The following ANKS1B variants were observed in gnomAD, a reference collection of about 807,000 sequenced individuals.
The protein encoded by ANKS1B is ankyrin repeat and sterile alpha motif domain containing 1B.
Under a neutral mutation model 148.3 loss-of-function variants are expected in ANKS1B, and 36 were observed. The ratio of observed to expected loss-of-function variants is 0.24; its 90% CI spans 0.19 to 0.32. The LOEUF is 0.32. Among genes scored for constraint, ANKS1B ranks in the 10% least tolerant of loss-of-function variants. ANKS1B has a pLI of 1.00. For synonymous variants in ANKS1B, 542 were observed against 560.8 expected (o/e 0.97, Z 0.47); for missense variants, 1,157 against 1,542.6 (o/e 0.75, Z 4.19).
intron 12 of ANKS1B, among the ~76,000 whole-genome samples, chr12:99,392,394 C>T (rs551319110): frequency 2.6e-5 from 4 of 152,366 alleles, no homozygotes; most frequent in South Asian, 4.1e-4. Context: ...GCGTCCTATG[C>T]TGCTAAGCAC....
At chr12:99,604,181 G>A (rs1247406079) in intron 9 of ANKS1B, among the ~76,000 whole-genome samples, 2 of 152,064 alleles carry the variant, frequency 1.3e-5, no homozygotes, top group Admixed American at 1.3e-4. Flanking sequence ...GGTGATTTCT[G>A]TGGCATACAA....
chr12:98,926,405 C>T (rs927305452), intron 17 of ANKS1B, among the ~76,000 whole-genome samples: 1 of 152,058 alleles, frequency 6.6e-6, no homozygotes, highest in Non-Finnish European at 1.5e-5. Context: ...AACAACAGAC[C>T]TTAGAGAGGA....
Position 98,757,548 on chromosome 12 carries a change from C to A in ANKS1B, c.3580-6026G>T, listed in dbSNP as rs1281368155. Reference sequence around the variant, plus strand: ...CTTAGCCAGGAGGCCAATCCTGGAGCCACCCGGTCCCCTGGCTGCCCTGGC... The same window carrying A: ...CTTAGCCAGGAGGCCAATCCTGGAGACACCCGGTCCCCTGGCTGCCCTGGC... On this transcript the variant is annotated intron_variant, in intron 25 of 26. Coordinates refer to ENST00000683438, the MANE Select transcript of ANKS1B (RefSeq NM_001352186.2). 4.6e-5 allele frequency among the ~76,000 whole-genome samples: 7 copies of A among 152,092 alleles called. No individual in the cohort carries two copies. The South Asian group carries it at 6.2e-4, about 14-fold the overall frequency.
chr12:99,962,672 T>C (rs552189357), intron 1 of ANKS1B, among the ~76,000 whole-genome samples: 36 of 152,346 alleles, frequency 2.4e-4, no homozygotes, highest in Non-Finnish European at 4.3e-4. Context: ...ACCAACAGTG[T>C]AAAAGCTTCC....
chr12:99,113,658 A>G (rs914444600), intron 15 of ANKS1B, among the ~76,000 whole-genome samples: 1 of 152,108 alleles, frequency 6.6e-6, no homozygotes, highest in African/African-American at 2.4e-5. Context: ...AATGTCTTGG[A>G]CTTGTGCCTT....
chr12:99,525,905 A>T (rs984896334), intron 9 of ANKS1B, among the ~76,000 whole-genome samples: 5 of 152,042 alleles, frequency 3.3e-5, no homozygotes, highest in African/African-American at 9.7e-5. Context: ...AAAATTTGGG[A>T]AAATTCTTTG....
chr12:98,948,946 A>ATTTTTTTTTTTTTTT (rs1567958669), intron 17 of ANKS1B, among the ~76,000 whole-genome samples: 3 of 89,166 alleles, frequency 3.4e-5, no homozygotes, highest in African/African-American at 2.4e-4. Flanking sequence ...AGCATGAGCT[A>ATTTTTTTTTTTTTTT]CTTTTTTTTT....
intron 8 of ANKS1B, among the ~76,000 whole-genome samples, chr12:99,699,812 C>T (rs925903141): frequency 6.6e-6 from 1 of 152,118 alleles, no homozygotes; most frequent in Non-Finnish European, 1.5e-5. Flanking sequence ...ATAAATGTAA[C>T]CTGAAGGTTT....
At chr12:99,792,314 T>G (rs1404958846) in intron 4 of ANKS1B, among the ~76,000 whole-genome samples, 1 of 151,800 alleles carries the variant, frequency 6.6e-6, no homozygotes, top group East Asian at 1.9e-4. Context: ...CTACCAAACA[T>G]TTAAAAAACT....
At chr12:99,000,846 T>A (rs1280948602) in intron 17 of ANKS1B, among the ~76,000 whole-genome samples, 1 of 152,212 alleles carries the variant, frequency 6.6e-6, no homozygotes, top group South Asian at 2.1e-4. Flanking sequence ...AAGTGCAATC[T>A]TGCAGTATTT....
chr12:99,466,534 A>T (rs541032672), intron 10 of ANKS1B, among the ~76,000 whole-genome samples: 13 of 150,922 alleles, frequency 8.6e-5, no homozygotes, highest in Non-Finnish European at 1.9e-4. Flanking sequence ...AAATTGATAG[A>T]CCGCTAGCAA....
intron 8 of ANKS1B, among the ~76,000 whole-genome samples, chr12:99,731,979 C>A (rs1207832771): frequency 6.6e-6 from 1 of 151,986 alleles, no homozygotes; most frequent in Non-Finnish European, 1.5e-5. Flanking sequence ...TATAGACAAT[C>A]CAATTTAAAA....
chr12:99,729,346 T>C (rs1157792260), intron 8 of ANKS1B, among the ~76,000 whole-genome samples: 1 of 152,182 alleles, frequency 6.6e-6, no homozygotes, highest in African/African-American at 2.4e-5. Context: ...AATGAAGTTT[T>C]GGAGTAATGA....
chr12:99,974,765 A>C (rs2095605605), intron 1 of ANKS1B, among the ~76,000 whole-genome samples: 1 of 151,582 alleles, frequency 6.6e-6, no homozygotes, highest in Admixed American at 6.6e-5. Flanking sequence ...ATGTTGCCCA[A>C]GTTGGTCTTG....
chr12:98,984,840 A>T (rs192746813), intron 17 of ANKS1B, among the ~76,000 whole-genome samples: 260 of 152,158 alleles, frequency 1.7e-3, no homozygotes, highest in Middle Eastern at 3.4e-3. Flanking sequence ...TGAGACCCCA[A>T]CACTGCAAAA....
chr12:98,756,790 C>T (rs537228258), intron 25 of ANKS1B, among the ~76,000 whole-genome samples: 49 of 149,022 alleles, frequency 3.3e-4, no homozygotes, highest in East Asian at 6.1e-4. Context: ...TACAATGGCG[C>T]GATCTTGGCT....
intron 9 of ANKS1B, among the ~76,000 whole-genome samples, chr12:99,582,489 A>G (rs2097580325): frequency 6.6e-6 from 1 of 152,208 alleles, no homozygotes; most frequent in Non-Finnish European, 1.5e-5. Context: ...TTCAATATCC[A>G]TAAAAAATAA....
At chr12:99,105,325 G>A (rs762134881) in intron 15 of ANKS1B, among the ~76,000 whole-genome samples, 1 of 152,024 alleles carries the variant, frequency 6.6e-6, no homozygotes, top group African/African-American at 2.4e-5. Context: ...ATCTTCAGTT[G>A]ATAAGTTCCT....
intron 17 of ANKS1B, among the ~76,000 whole-genome samples, chr12:98,878,697 C>A (rs1054214805): frequency 6.6e-6 from 1 of 152,084 alleles, no homozygotes; most frequent in Non-Finnish European, 1.5e-5. Context: ...GTATTTAATG[C>A]GATCACTTTG....
Sources: allele counts gnomAD v4.1 joint callset (sites outside exome capture counted in the v4.1 genomes callset), GRCh38; gene constraint gnomAD v4.1.1; transcripts MANE v1.5; gene names NCBI Gene and HGNC (gene_info 2026-07-23, HGNC 2026-07-21).